The following SLC25A21 variants were observed in gnomAD, a reference collection of about 807,000 sequenced individuals.
The protein encoded by SLC25A21 is solute carrier family 25 member 21, also known as mitochondrial 2-oxodicarboxylate carrier.
SLC25A21 carries 47 observed loss-of-function variants against 43.8 expected under a neutral mutation model. The observed-to-expected ratio is 1.07, with a 90% CI of 0.85 to 1.37. The LOEUF (loss-of-function observed/expected upper bound fraction) is 1.37. Among genes scored for constraint, SLC25A21 ranks in the 40% most tolerant of loss-of-function variants. The pLI, the probability that SLC25A21 is intolerant of heterozygous loss-of-function variation, is 0.00. For synonymous variants in SLC25A21, 131 were observed against 121.3 expected, an observed-to-expected ratio of 1.08 and a Z score of -0.52; for missense variants, 352 against 350.2, an observed-to-expected ratio of 1.00 and a Z score of -0.04.
chr14:36,813,967 T>G lies in SLC25A21; in HGVS notation c.154A>C (p.Ser52Arg). Residue 52 changes from serine to arginine, a missense_variant, in exon 3 of 10, where the codon AGT becomes CGT. Physicochemically the swap from Ser to Arg is moderately radical, Grantham distance 110. Coordinates refer to ENST00000331299, the MANE Select transcript of SLC25A21 (RefSeq NM_030631.4). ...QIQRCATDPNSYKSLVDSFRM... is the reference protein window; with the variant it reads ...QIQRCATDPNRYKSLVDSFRM... ...AAGCTGTCTACCAAGCTTTTATAAC[T>G]GTTTGGATCGGTTGCACATCTCTGA... The G allele has an allele frequency of 1.2e-6, 2 of 1,610,558 alleles. No homozygotes were observed. The highest frequency in any genetic ancestry group is 1.7e-6 in the Non-Finnish European group (2 of 1,179,170).
At chr14:37,069,497 T>C (rs1485597832) in intron 1 of SLC25A21, among the ~76,000 whole-genome samples, 2 of 152,182 alleles carry the variant, frequency 1.3e-5, no homozygotes, top group East Asian at 1.9e-4. Flanking sequence ...AAATATATGA[T>C]TATCATCAGA....
intron 1 of SLC25A21, among the ~76,000 whole-genome samples, chr14:37,134,033 C>T (rs1394352236): frequency 6.6e-6 from 1 of 152,096 alleles, no homozygotes; most frequent in African/African-American, 2.4e-5. Context: ...TCAGTGAAGA[C>T]CTGAGAAACA....
chr14:36,992,021 A>C (rs1181362478), intron 1 of SLC25A21, among the ~76,000 whole-genome samples: 1 of 152,086 alleles, frequency 6.6e-6, no homozygotes, highest in Non-Finnish European at 1.5e-5. Context: ...TGGTTTCTTT[A>C]TTTCTTGTTT....
At chr14:36,714,712 C>T (rs1884049262) in intron 6 of SLC25A21, among the ~76,000 whole-genome samples, 1 of 152,202 alleles carries the variant, frequency 6.6e-6, no homozygotes, top group African/African-American at 2.4e-5. Flanking sequence ...GTGCTCAGTA[C>T]TTTTTGGTGT....
chr14:37,035,896 T>A (rs1961316711), intron 1 of SLC25A21, among the ~76,000 whole-genome samples: 1 of 152,216 alleles, frequency 6.6e-6, no homozygotes, highest in African/African-American at 2.4e-5. Context: ...CATATTTGGG[T>A]CATTATGTCA....
At chr14:36,723,451 T>A (rs758462339) in intron 6 of SLC25A21, among the ~76,000 whole-genome samples, 4 of 152,218 alleles carry the variant, frequency 2.6e-5, no homozygotes, top group Non-Finnish European at 5.9e-5. Flanking sequence ...CTAATTGATT[T>A]TATTCTAAGT....
At chr14:37,172,007 A>C (rs1004457282) in intron 1 of SLC25A21, 2 of 459,786 alleles carry the variant, frequency 4.3e-6, no homozygotes, top group Non-Finnish European at 7.7e-6. Flanking sequence ...GGGCTCTGCC[A>C]CTTGCTTTAC....
chr14:36,694,685 A>G (rs1015850446), intron 7 of SLC25A21, among the ~76,000 whole-genome samples: 3 of 152,068 alleles, frequency 2.0e-5, no homozygotes, highest in Non-Finnish European at 4.4e-5. Flanking sequence ...TTTTTCATGT[A>G]TCTGTTGGCT....
chr14:36,997,016 A>G (rs1044710262), intron 1 of SLC25A21, among the ~76,000 whole-genome samples: 38 of 152,270 alleles, frequency 2.5e-4, no homozygotes, highest in Admixed American at 1.5e-3. Flanking sequence ...GACAGCCCAA[A>G]TCTTGGTGGG....
intron 2 of SLC25A21, among the ~76,000 whole-genome samples, chr14:36,842,484 T>C (rs890389121): frequency 2.0e-5 from 3 of 152,166 alleles, no homozygotes; most frequent in African/African-American, 4.8e-5. Context: ...TGAAGTGACT[T>C]TGCAAAGTCA....
At chr14:37,001,264 A>T (rs995805214) in intron 1 of SLC25A21, among the ~76,000 whole-genome samples, 1 of 152,188 alleles carries the variant, frequency 6.6e-6, no homozygotes, top group African/African-American at 2.4e-5. Context: ...TAAATGAGTG[A>T]ATTACTAGCA....
chr14:36,738,129 A>T (rs1003523328), intron 3 of SLC25A21, among the ~76,000 whole-genome samples: 5 of 152,210 alleles, frequency 3.3e-5, no homozygotes, highest in African/African-American at 1.2e-4. Context: ...CTTCACTCTC[A>T]GTTAAAATTT....
chr14:36,703,966 T>C (rs1434445865), intron 7 of SLC25A21, among the ~76,000 whole-genome samples: 1 of 152,206 alleles, frequency 6.6e-6, no homozygotes, highest in East Asian at 1.9e-4. Context: ...AGTATAATTC[T>C]TTATCCTGAC....
intron 1 of SLC25A21, among the ~76,000 whole-genome samples, chr14:37,108,837 T>C (rs1357365687): frequency 6.6e-6 from 1 of 151,954 alleles, no homozygotes; most frequent in African/African-American, 2.4e-5. Flanking sequence ...AATGGATAAA[T>C]ATATTATATT....
rs1398898856 is a variant in SLC25A21 at position 37,023,726 on chromosome 14, A to G, written c.70+148555T>C. On this transcript the variant is annotated intron_variant, in intron 1 of 9. Coordinates refer to ENST00000331299, the MANE Select transcript of SLC25A21 (RefSeq NM_030631.4). Reference sequence around the variant, plus strand: ...TTTGCTCCTACTTAGGCTTGCTTCAAATAATACTTCTTTGGCTTCTGATTA... The same window carrying G: ...TTTGCTCCTACTTAGGCTTGCTTCAGATAATACTTCTTTGGCTTCTGATTA... 2.0e-5 allele frequency among the ~76,000 whole-genome samples: 3 copies of G among 152,010 alleles called. No homozygotes were observed. The East Asian group carries it at 5.8e-4, about 30-fold the overall frequency.
chr14:36,843,797 A>G (rs940587251), intron 2 of SLC25A21, among the ~76,000 whole-genome samples: 1 of 152,184 alleles, frequency 6.6e-6, no homozygotes, highest in African/African-American at 2.4e-5. Flanking sequence ...GTACACATCC[A>G]AATTTCCCCA....
chr14:37,097,041 T>C (rs1462165043), intron 1 of SLC25A21: 1 of 150,142 alleles, frequency 6.7e-6, no homozygotes, highest in Non-Finnish European at 1.5e-5. Flanking sequence ...TTTTTTTTTT[T>C]GTTTTTTTTT....
chr14:36,821,496 T>C (rs1888632883), intron 2 of SLC25A21, among the ~76,000 whole-genome samples: 1 of 152,170 alleles, frequency 6.6e-6, no homozygotes, highest in Non-Finnish European at 1.5e-5. Context: ...GTGGGTATTT[T>C]GTTTTCACTT....
At chr14:36,756,587 C>A (rs1485296763) in intron 3 of SLC25A21, among the ~76,000 whole-genome samples, 3 of 152,128 alleles carry the variant, frequency 2.0e-5, no homozygotes, top group African/African-American at 7.2e-5. Flanking sequence ...CACTGCCTAC[C>A]CATTTCCCTT....
Sources: allele counts gnomAD v4.1 joint callset (sites outside exome capture counted in the v4.1 genomes callset), GRCh38; gene constraint gnomAD v4.1.1; transcripts MANE v1.5; gene names NCBI Gene and HGNC (gene_info 2026-07-23, HGNC 2026-07-21).